PDE7B: variants seen among roughly 807,000 people sequenced by gnomAD.
PDE7B encodes 3',5'-cyclic-AMP phosphodiesterase 7B.
In PDE7B, 29 loss-of-function variants were observed where a neutral mutation model predicts 56.2. The ratio of observed to expected loss-of-function variants is 0.52; its 90% CI spans 0.38 to 0.70. The LOEUF (loss-of-function observed/expected upper bound fraction) is 0.70. Among genes scored for constraint, PDE7B ranks in the 30% least tolerant of loss-of-function variants. The pLI is 0.00. For synonymous variants in PDE7B, 197 were observed against 196.9 expected, an observed-to-expected ratio of 1.00 and a Z score of 0.00; for missense variants, 490 against 565.0, an observed-to-expected ratio of 0.87 and a Z score of 1.35.
intron 2 of PDE7B, among the ~76,000 whole-genome samples, chr6:135,977,481 C>A (rs1775207471): frequency 1.3e-5 from 2 of 152,120 alleles, no homozygotes; most frequent in African/African-American, 4.8e-5. Flanking sequence ...AAGGACACTG[C>A]CTCCAAGGCA....
chr6:136,102,719 TCA>T (rs1168277265), intron 2 of PDE7B, among the ~76,000 whole-genome samples: 9 of 152,224 alleles, frequency 5.9e-5, no homozygotes, highest in Non-Finnish European at 1.3e-4. Flanking sequence ...TACTTTTTTC[TCA>T]TTTTCCCTCT....
chr6:136,078,677 C>CA (rs1286210001), intron 2 of PDE7B, among the ~76,000 whole-genome samples: 1 of 151,874 alleles, frequency 6.6e-6, no homozygotes, highest in South Asian at 2.1e-4. Context: ...TCTTTATGTG[C>CA]AAAAAACCTG....
chr6:135,993,881 G>A (rs1421603570), intron 2 of PDE7B, among the ~76,000 whole-genome samples: 1 of 152,108 alleles, frequency 6.6e-6, no homozygotes, highest in African/African-American at 2.4e-5. Context: ...AAGTGGATGT[G>A]GACCAGCCCT....
At chr6:135,917,076 A>G (rs1773965919) in intron 1 of PDE7B, among the ~76,000 whole-genome samples, 1 of 152,160 alleles carries the variant, frequency 6.6e-6, no homozygotes, top group Non-Finnish European at 1.5e-5. Context: ...ATTTAGGTCT[A>G]CAATACATAA....
chr6:136,173,889 G>GT lies in PDE7B; in HGVS notation c.803+2dup, dbSNP rs1778933431. ...TTGCTCATTTGCCAAAGGAAATGAC[G>GT]TAAGTGCTGCCGAGATGAAACATAC... On this transcript the variant is annotated splice_donor_variant, in intron 9 of 12. Transcript: ENST00000308191. LOFTEE classifies it high-confidence loss of function. 1 of 1,601,848 alleles carries GT rather than the reference G, an allele frequency of 6.2e-7. No homozygotes were observed.
chr6:136,187,660 T>A (rs186920115), intron 12 of PDE7B, among the ~76,000 whole-genome samples: 2 of 152,334 alleles, frequency 1.3e-5, no homozygotes, highest in East Asian at 1.9e-4. Context: ...CTCTTTCAAG[T>A]GTCACTGGTG....
intron 1 of PDE7B, among the ~76,000 whole-genome samples, chr6:135,888,541 T>C (rs1430668536): frequency 4.6e-5 from 7 of 152,012 alleles, no homozygotes; most frequent in African/African-American, 1.7e-4. Context: ...TTATACTTAT[T>C]ATAGGTATAA....
chr6:135,871,757 G>A lies in PDE7B; in HGVS notation c.21+19738G>A, dbSNP rs146780454. The stretch of plus-strand genomic sequence containing the variant: ...TACAATAATCACTTTCAATGTTGTC[G>A]TAAGGATAGGTGTATACACACACAC... On this transcript the variant is annotated intron_variant, in intron 1 of 12. Transcript: ENST00000308191. Among the ~76,000 whole-genome samples the A allele has an allele frequency of 1.5e-3, 208 of 142,930 alleles. 2 individuals are homozygous for A. The highest frequency in any genetic ancestry group is 4.6e-3 in the African/African-American group (174 of 37,444). 93.8% of individuals were successfully genotyped at this position (142,930 alleles called of 152,430 possible). A position where few individuals can be genotyped will look rare whatever the true frequency, so the allele number is the denominator to read the frequency against.
At chr6:136,021,549 C>G (rs571834993) in intron 2 of PDE7B, among the ~76,000 whole-genome samples, 1 of 151,884 alleles carries the variant, frequency 6.6e-6, no homozygotes, top group South Asian at 2.1e-4. Context: ...GGGGCTGAGG[C>G]TGGAGAATTG....
intron 3 of PDE7B, among the ~76,000 whole-genome samples, chr6:136,119,779 G>A (rs561329277): frequency 6.6e-6 from 1 of 152,274 alleles, no homozygotes; most frequent in African/African-American, 2.4e-5. Context: ...AACCAGGGTT[G>A]GGCTCTTCTT....
chr6:136,125,598 A>G (rs1208341064), intron 3 of PDE7B, among the ~76,000 whole-genome samples: 3 of 151,590 alleles, frequency 2.0e-5, no homozygotes, highest in African/African-American at 7.3e-5. Flanking sequence ...AAGAATACAT[A>G]TATATATATA....
At chr6:136,076,315 A>G (rs527653097) in intron 2 of PDE7B, among the ~76,000 whole-genome samples, 1 of 152,268 alleles carries the variant, frequency 6.6e-6, no homozygotes, top group Non-Finnish European at 1.5e-5. Flanking sequence ...TCTACTAAAA[A>G]TACAAAAATT....
Position 136,192,173 on chromosome 6 carries a change from A to T in PDE7B, c.*333A>T. 2.9e-6 allele frequency: 1 copy of T among 340,958 alleles called. No homozygotes were observed. Among genetic ancestry groups the T allele is most frequent in the South Asian group, 3.4e-5 (1 of 29,752 alleles). The allele number at this position is 340,958 out of a possible 1,614,324, so 21.1% of individuals were successfully genotyped here. A position where few individuals can be genotyped will look rare whatever the true frequency, so the allele number is the denominator to read the frequency against. On this transcript the variant is annotated 3_prime_UTR_variant, in exon 13 of 13. Coordinates refer to ENST00000308191, the MANE Select transcript of PDE7B (RefSeq NM_018945.4). ...CCGCCTTGTTCCGGGTCGCACTGGAACAGGCAGCAATTCCTAAGTCCGGAG... is the reference window on the plus strand; with the variant it reads ...CCGCCTTGTTCCGGGTCGCACTGGATCAGGCAGCAATTCCTAAGTCCGGAG...
chr6:136,118,534 A>G (rs750187368), intron 3 of PDE7B, among the ~76,000 whole-genome samples: 2 of 152,262 alleles, frequency 1.3e-5, no homozygotes, highest in African/African-American at 2.4e-5. Flanking sequence ...CACTACTATT[A>G]CAGATGAGGA....
intron 2 of PDE7B, among the ~76,000 whole-genome samples, chr6:136,004,557 T>C (rs1336953442): frequency 1.3e-5 from 2 of 151,550 alleles, no homozygotes; most frequent in Non-Finnish European, 2.9e-5. Context: ...TATACACCAA[T>C]AACAGACAAA....
intron 2 of PDE7B, among the ~76,000 whole-genome samples, chr6:136,057,881 C>T (rs1206170128): frequency 2.0e-5 from 3 of 152,082 alleles, no homozygotes; most frequent in African/African-American, 4.8e-5. Context: ...GGGTCACAGG[C>T]GTGCACCACC....
intron 2 of PDE7B, among the ~76,000 whole-genome samples, chr6:135,998,515 G>A (rs1362502553): frequency 6.6e-6 from 1 of 151,850 alleles, no homozygotes; most frequent in African/African-American, 2.4e-5. Flanking sequence ...CCAGCACTTT[G>A]GGAGGCCGAG....
intron 2 of PDE7B, chr6:136,037,964 GA>G (rs1452881640): frequency 4.9e-6 from 6 of 1,219,140 alleles, no homozygotes. Context: ...CCAGAGAGAG[GA>G]GGGGAAAAAA....
chr6:136,023,213 T>C (rs1186271239), intron 2 of PDE7B, among the ~76,000 whole-genome samples: 1 of 152,174 alleles, frequency 6.6e-6, no homozygotes, highest in African/African-American at 2.4e-5. Context: ...ACTGCACCAA[T>C]GAATAACCTG....
Sources: gnomAD v4.1 joint callset for allele counts (sites outside exome capture counted in the v4.1 genomes callset) on GRCh38, gnomAD v4.1.1 for gene constraint, MANE v1.5 for transcripts, NCBI Gene and HGNC (gene_info 2026-07-23, HGNC 2026-07-21) for gene names.